Variants in GALNTL6 observed in about 807,000 individuals in gnomAD.
The protein encoded by GALNTL6 is polypeptide N-acetylgalactosaminyltransferase like 6.
GALNTL6 carries 46 observed loss-of-function variants against 73.7 expected under a neutral mutation model. That is an observed-to-expected ratio of 0.62 (90% CI 0.49 to 0.80). The LOEUF (loss-of-function observed/expected upper bound fraction) is 0.80. Among genes scored for constraint, GALNTL6 ranks in the 30% least tolerant of loss-of-function variants. The probability of loss-of-function intolerance (pLI) is 0.00; values close to 1 mark genes in which losing one functional copy is unlikely to be tolerated. For synonymous variants in GALNTL6, 259 were observed against 263.7 expected, an observed-to-expected ratio of 0.98 and a Z score of 0.17; for missense variants, 604 against 755.0, an observed-to-expected ratio of 0.80 and a Z score of 2.34.
At chr4:171,924,994 A>G (rs1433225605) in intron 2 of GALNTL6, among the ~76,000 whole-genome samples, 1 of 152,202 alleles carries the variant, frequency 6.6e-6, no homozygotes, top group Admixed American at 6.5e-5. Context: ...ATCCAAGCCT[A>G]GTGGGTTAGG....
At chr4:171,990,414 A>G (rs1380364408) in intron 2 of GALNTL6, among the ~76,000 whole-genome samples, 1 of 152,172 alleles carries the variant, frequency 6.6e-6, no homozygotes, top group African/African-American at 2.4e-5. Flanking sequence ...GTCACATAAC[A>G]GTAAGAGGCA....
chr4:172,167,574 T>TA (rs1369835054), intron 2 of GALNTL6, among the ~76,000 whole-genome samples: 1 of 152,236 alleles, frequency 6.6e-6, no homozygotes, highest in Non-Finnish European at 1.5e-5. Flanking sequence ...AATAACTATA[T>TA]ATGACCATAT....
chr4:172,684,753 G>C (rs150100454), intron 5 of GALNTL6, among the ~76,000 whole-genome samples: 72 of 152,302 alleles, frequency 4.7e-4, no homozygotes, highest in African/African-American at 1.7e-3. Context: ...GTAAGCTTCA[G>C]TCATTCTGAA....
chr4:172,793,486 C>T (rs1392876314), intron 5 of GALNTL6, among the ~76,000 whole-genome samples: 11 of 152,078 alleles, frequency 7.2e-5, no homozygotes, highest in Admixed American at 7.2e-4. Flanking sequence ...CACTGCAGTC[C>T]CTTCCATAGG....
intron 10 of GALNTL6, among the ~76,000 whole-genome samples, chr4:172,981,892 G>A (rs1394111309): frequency 1.3e-5 from 2 of 149,202 alleles, no homozygotes; most frequent in African/African-American, 4.9e-5. Context: ...TGCCTCCCAG[G>A]TTCAAGCGAT....
At chr4:172,846,476 A>T (rs1743513099) in intron 7 of GALNTL6, among the ~76,000 whole-genome samples, 1 of 152,220 alleles carries the variant, frequency 6.6e-6, no homozygotes, top group Admixed American at 6.5e-5. Flanking sequence ...ACTTTCCAAG[A>T]TAAATTCTCA....
At chr4:172,706,517 C>T (rs993197072) in intron 5 of GALNTL6, among the ~76,000 whole-genome samples, 1 of 151,970 alleles carries the variant, frequency 6.6e-6, no homozygotes, top group African/African-American at 2.4e-5. Context: ...TTTCTGTGGA[C>T]TTATGTCTAT....
rs148908449 is a variant in GALNTL6, at chr4:172,108,882, G to A, written c.139-120774G>A. On this transcript the variant is annotated intron_variant, in intron 2 of 12. Coordinates refer to ENST00000506823, the MANE Select transcript of GALNTL6 (RefSeq NM_001034845.3). ...CAAAAAATTAGCCGGGCATGGTAGC[G>A]TGCGCCCATATTCCCAGCTGATCGG... Among the ~76,000 whole-genome samples the A allele has an allele frequency of 2.4e-4, 37 of 151,714 alleles. No individual in the cohort carries two copies. In the East Asian group the frequency reaches 3.9e-3, roughly 16 times the overall value.
intron 5 of GALNTL6, among the ~76,000 whole-genome samples, chr4:172,480,886 A>AG (rs987666279): frequency 1.3e-5 from 2 of 152,148 alleles, no homozygotes; most frequent in African/African-American, 4.8e-5. Context: ...TAGCCTAGGA[A>AG]GGGGTGCATG....
Position 171,814,461 on chromosome 4 carries a change from A to G in GALNTL6, c.-120A>G. 1.9e-6 allele frequency: 2 copies of G among 1,079,766 alleles called. 1 individual carries two copies. Among genetic ancestry groups the G allele is most frequent in the South Asian group, 2.8e-5 (2 of 70,966 alleles). The allele number at this position is 1,079,766 out of a possible 1,614,324, so 66.9% of individuals were successfully genotyped here. ...CAGATTGGTGCTGAGCACGCAACAAAAGTTTGTAGCTTCTCAGTTTCTGGT... is the reference window on the plus strand; with the variant it reads ...CAGATTGGTGCTGAGCACGCAACAAGAGTTTGTAGCTTCTCAGTTTCTGGT... On this transcript the variant is annotated 5_prime_UTR_variant, in exon 2 of 13. Transcript: ENST00000506823.
At chr4:172,290,047 T>C (rs1739408447) in intron 3 of GALNTL6, among the ~76,000 whole-genome samples, 2 of 152,190 alleles carry the variant, frequency 1.3e-5, no homozygotes, top group South Asian at 4.1e-4. Context: ...TTTGGCCCTT[T>C]AGAGTGAATT....
chr4:171,896,151 A>G (rs555864775), intron 2 of GALNTL6, among the ~76,000 whole-genome samples: 59 of 152,370 alleles, frequency 3.9e-4, no homozygotes, highest in African/African-American at 1.3e-3. Context: ...CTAAAATTTG[A>G]ATAAAGATTT....
chr4:171,958,378 C>T (rs1055290487), intron 2 of GALNTL6, among the ~76,000 whole-genome samples: 2 of 152,098 alleles, frequency 1.3e-5, no homozygotes, highest in Non-Finnish European at 2.9e-5. Context: ...GAAAACTAAG[C>T]TAATGCTTTC....
rs115317422 is a variant in GALNTL6 at position 172,613,189 on chromosome 4, A to G, written c.554-196172A>G. Among the ~76,000 whole-genome samples the G allele has an allele frequency of 1.8e-3, 272 of 152,234 alleles. 1 individual carries two copies. The highest frequency in any genetic ancestry group is 6.4e-3 in the African/African-American group (265 of 41,556). ...CATATAGATGCTGGGGGAAGGGAGG[A>G]TAATAAGTAAAATGAAAGTTGAATT... On this transcript the variant is annotated intron_variant, in intron 5 of 12. Transcript: ENST00000506823.
At chr4:172,207,327 G>A (rs573612937) in intron 2 of GALNTL6, among the ~76,000 whole-genome samples, 1 of 152,188 alleles carries the variant, frequency 6.6e-6, no homozygotes, top group East Asian at 1.9e-4. Flanking sequence ...TGGATTATAG[G>A]AAGACGAGAA....
chr4:172,803,308 A>C (rs1253612894), intron 5 of GALNTL6, among the ~76,000 whole-genome samples: 1 of 152,176 alleles, frequency 6.6e-6, no homozygotes, highest in Non-Finnish European at 1.5e-5. Context: ...CTCCTGTCAG[A>C]TCAGCAGTGC....
At chr4:172,909,922 C>T (rs1747109860) in intron 8 of GALNTL6, among the ~76,000 whole-genome samples, 1 of 151,808 alleles carries the variant, frequency 6.6e-6, no homozygotes, top group Non-Finnish European at 1.5e-5. Flanking sequence ...TATTATCTAC[C>T]TATGCTATAG....
At chr4:172,682,132 A>G (rs990848241) in intron 5 of GALNTL6, among the ~76,000 whole-genome samples, 1 of 152,228 alleles carries the variant, frequency 6.6e-6, no homozygotes, top group Non-Finnish European at 1.5e-5. Flanking sequence ...ACAGAAATAT[A>G]GAACACAAAA....
intron 5 of GALNTL6, among the ~76,000 whole-genome samples, chr4:172,428,285 C>CT (rs1193040779): frequency 6.6e-6 from 1 of 152,022 alleles, no homozygotes; most frequent in African/African-American, 2.4e-5. Flanking sequence ...GTAGATAGAT[C>CT]TTTTTGTGAA....
Sources: allele counts gnomAD v4.1 joint callset (sites outside exome capture counted in the v4.1 genomes callset), GRCh38; gene constraint gnomAD v4.1.1; transcripts MANE v1.5; gene names NCBI Gene and HGNC (gene_info 2026-07-23, HGNC 2026-07-21).